SCRG1: variants seen among roughly 807,000 people sequenced by gnomAD.
SCRG1 encodes the protein scrapie-responsive protein 1.
A neutral mutation model predicts 7.7 loss-of-function variants in SCRG1; 3 were observed. The observed-to-expected ratio is 0.39, with a 90% CI of 0.18 to 1.01. SCRG1 has a LOEUF of 1.01. Ranked by LOEUF, SCRG1 falls within the 50% of genes least tolerant of loss-of-function variation. The pLI, the probability that SCRG1 is intolerant of heterozygous loss-of-function variation, is 0.36. For synonymous variants in SCRG1, 46 were observed against 41.2 expected, an observed-to-expected ratio of 1.12 and a Z score of -0.44; for missense variants, 110 against 117.2, an observed-to-expected ratio of 0.94 and a Z score of 0.28.
the SCRG1 span, among the ~76,000 whole-genome samples, chr4:173,445,111 A>T: frequency 6.6e-6 from 1 of 151,944 alleles, no homozygotes; most frequent in Non-Finnish European, 1.5e-5. Context: ...ATGATAAAAA[A>T]AGCCATGTCA....
At chr4:173,495,251 A>T in the SCRG1 span, among the ~76,000 whole-genome samples, 3 of 152,240 alleles carry the variant, frequency 2.0e-5, no homozygotes, top group South Asian at 6.2e-4. Flanking sequence ...TGCCTTATAC[A>T]TTTGCACTGA....
chr4:173,476,363 A>AAAAATATATATATATATATATAT, the SCRG1 span, among the ~76,000 whole-genome samples: 96 of 98,466 alleles, frequency 9.7e-4, no homozygotes, highest in East Asian at 0.014. Flanking sequence ...GGAAAAAAAA[A>AAAAATATATATATATATATATAT]ATATATATAT....
the SCRG1 span, among the ~76,000 whole-genome samples, chr4:173,509,521 G>T: frequency 6.6e-6 from 1 of 152,198 alleles, no homozygotes. This position sits in a 1 kb window ranked among gnomAD's most constrained non-coding sequence, Gnocchi z 5.7. Context: ...CGGGACCTGC[G>T]CTCGCAGCCT....
intron 1 of SCRG1, among the ~76,000 whole-genome samples, chr4:173,395,144 T>G (rs867323952): frequency 6.6e-6 from 1 of 152,248 alleles, no homozygotes; most frequent in Non-Finnish European, 1.5e-5. Context: ...GTTTCAACTT[T>G]GTTCTTTCAT....
the SCRG1 span, among the ~76,000 whole-genome samples, chr4:173,514,883 A>G: frequency 6.6e-6 from 1 of 152,346 alleles, no homozygotes; most frequent in Non-Finnish European, 1.5e-5. Context: ...TCTTGTTTAA[A>G]GGTATGCTAT....
At chr4:173,484,403 T>A in the SCRG1 span, among the ~76,000 whole-genome samples, 1 of 76,690 alleles carries the variant, frequency 1.3e-5, no homozygotes, top group Non-Finnish European at 2.2e-5. Context: ...CATTATATAT[T>A]ATATACATAT....
the SCRG1 span, among the ~76,000 whole-genome samples, chr4:173,518,375 T>A: frequency 5.3e-5 from 8 of 152,336 alleles, no homozygotes; most frequent in Non-Finnish European, 8.8e-5. Flanking sequence ...CCGGAGCATT[T>A]ATTTAAAGTT....
At chr4:173,487,997 A>G in the SCRG1 span, among the ~76,000 whole-genome samples, 2 of 152,012 alleles carry the variant, frequency 1.3e-5, no homozygotes, top group African/African-American at 4.8e-5. Context: ...GCTACTTGGG[A>G]GGCTGAGGCA....
At chr4:173,449,610 T>C in the SCRG1 span, among the ~76,000 whole-genome samples, 1 of 152,132 alleles carries the variant, frequency 6.6e-6, no homozygotes, top group Non-Finnish European at 1.5e-5. Flanking sequence ...TCCTGAACTA[T>C]TATGAAGATT....
At chr4:173,479,435 G>GTTTTTTTTT in the SCRG1 span, among the ~76,000 whole-genome samples, 66 of 125,948 alleles carry the variant, frequency 5.2e-4, 2 homozygotes, top group South Asian at 2.0e-3. Flanking sequence ...TTGTTTGTTT[G>GTTTTTTTTT]TTTTTTTGTT....
At chr4:173,419,860 C>T in the SCRG1 span, 3 of 1,173,578 alleles carry the variant, frequency 2.6e-6, no homozygotes, top group Non-Finnish European at 2.5e-6. Flanking sequence ...GCCTGCGGGC[C>T]AGCAGCAGGC....
At chr4:173,413,607 G>C in the SCRG1 span, among the ~76,000 whole-genome samples, 1 of 152,190 alleles carries the variant, frequency 6.6e-6, no homozygotes, top group African/African-American at 2.4e-5. Context: ...AAATATTGGG[G>C]ATAGTTAAGA....
the SCRG1 span, among the ~76,000 whole-genome samples, chr4:173,458,924 T>C: frequency 1.5e-4 from 23 of 152,246 alleles, no homozygotes; most frequent in South Asian, 4.8e-3. Context: ...GAAAAGATTC[T>C]GCACAGACAG....
chr4:173,389,322 C>G (rs1313067535), intron 2 of SCRG1, among the ~76,000 whole-genome samples: 2 of 152,048 alleles, frequency 1.3e-5, no homozygotes, highest in Non-Finnish European at 2.9e-5. Flanking sequence ...ATCACGAGGT[C>G]AGGATATCGA....
the SCRG1 span, among the ~76,000 whole-genome samples, chr4:173,431,307 A>G: frequency 1.3e-5 from 2 of 152,160 alleles, no homozygotes; most frequent in South Asian, 2.1e-4. Context: ...ACTGTGGACC[A>G]GCGGGCAAAG....
the SCRG1 span, among the ~76,000 whole-genome samples, chr4:173,506,187 AG>A: frequency 6.6e-6 from 1 of 152,244 alleles, no homozygotes. This position sits in a 1 kb window ranked among gnomAD's most constrained non-coding sequence, Gnocchi z 5.3. Context: ...GTTGAGTAAG[AG>A]AGTCATGGTA....
At chr4:173,436,432 G>T in the SCRG1 span, among the ~76,000 whole-genome samples, 5 of 152,170 alleles carry the variant, frequency 3.3e-5, no homozygotes, top group East Asian at 1.9e-4. Flanking sequence ...TCTCAAACTC[G>T]CAGAACCTGT....
the SCRG1 span, among the ~76,000 whole-genome samples, chr4:173,478,700 A>G: frequency 6.6e-6 from 1 of 152,202 alleles, no homozygotes; most frequent in Non-Finnish European, 1.5e-5. Flanking sequence ...GAGATTTTAA[A>G]CAGTGTTTGA....
At chr4:173,448,902 A>G in the SCRG1 span, among the ~76,000 whole-genome samples, 4 of 152,244 alleles carry the variant, frequency 2.6e-5, no homozygotes, top group Non-Finnish European at 5.9e-5. Context: ...CAAAATCTCT[A>G]CAGGAATGGT....
Sources: gnomAD v4.1 joint callset for allele counts (sites outside exome capture counted in the v4.1 genomes callset) on GRCh38, gnomAD v4.1.1 for gene constraint, Gnocchi (gnomAD v3.1) non-coding constraint, MANE v1.5 for transcripts, NCBI Gene and HGNC (gene_info 2026-07-23, HGNC 2026-07-21) for gene names.